The following MATN2 variants were observed in gnomAD, a reference collection of about 807,000 sequenced individuals.
The protein encoded by MATN2 is matrilin 2.
A neutral mutation model predicts 103.2 loss-of-function variants in MATN2; 69 were observed. The ratio of observed to expected loss-of-function variants is 0.67; its 90% CI spans 0.55 to 0.82. MATN2 has a LOEUF of 0.82. MATN2 is among the 40% of genes least tolerant of loss of function. The pLI is 0.00. For missense variants in MATN2, 1,023 were observed against 1,211.5 expected, an observed-to-expected ratio of 0.84 and a Z score of 2.31; for synonymous variants, 429 against 450.2, an observed-to-expected ratio of 0.95 and a Z score of 0.60.
chr8:97,999,875 T>C (rs2130369968), intron 7 of MATN2, among the ~76,000 whole-genome samples: 2 of 151,276 alleles, frequency 1.3e-5, no homozygotes, highest in East Asian at 3.9e-4. Flanking sequence ...TTTTTTTTTT[T>C]TTTTTAATTT....
At chr8:97,981,150 A>C (rs539142335) in intron 6 of MATN2, among the ~76,000 whole-genome samples, 1 of 150,760 alleles carries the variant, frequency 6.6e-6, no homozygotes, top group Non-Finnish European at 1.5e-5. Flanking sequence ...GCACCACTGC[A>C]CTCCAGCCTG....
At chr8:97,930,252 A>G (rs999880338) in intron 2 of MATN2, among the ~76,000 whole-genome samples, 3 of 152,184 alleles carry the variant, frequency 2.0e-5, no homozygotes, top group African/African-American at 7.2e-5. Context: ...AATTCTCCCC[A>G]GGTAGATTAG....
At chr8:97,910,717 T>TA (rs1267019724) in intron 2 of MATN2, among the ~76,000 whole-genome samples, 4 of 152,184 alleles carry the variant, frequency 2.6e-5, no homozygotes, top group African/African-American at 2.4e-5. Flanking sequence ...ATTCTAGAGT[T>TA]AGAGTCCCTA....
Position 97,952,677 on chromosome 8 carries a change from T to C in MATN2, c.836-8731T>C, listed in dbSNP as rs565010294. 2.4e-4 allele frequency among the ~76,000 whole-genome samples: 37 copies of C among 152,254 alleles called. No individual in the cohort carries two copies. In the South Asian group the frequency reaches 6.2e-3, roughly 26 times the overall value. ...ATTAGTTTCACCTGGGAAGACTGAGTTATCCCTCTTAAAATTCTCCAGGCA... is the reference window on the plus strand; with the variant it reads ...ATTAGTTTCACCTGGGAAGACTGAGCTATCCCTCTTAAAATTCTCCAGGCA... On this transcript the variant is annotated intron_variant, in intron 4 of 18. Transcript: ENST00000254898.
At chr8:98,016,417 T>C in intron 10 of MATN2, 123 bp from the exon 11 acceptor site, 1 of 823,152 alleles carries the variant, frequency 1.2e-6, no homozygotes, top group Non-Finnish European at 1.9e-6. Context: ...TTCTGAAATG[T>C]GTACTGTAGG....
intron 2 of MATN2, among the ~76,000 whole-genome samples, chr8:97,909,146 T>C (rs774903511): frequency 1.3e-5 from 2 of 151,952 alleles, no homozygotes; most frequent in Non-Finnish European, 2.9e-5. Flanking sequence ...TTGCCCAGGC[T>C]GGTCTCAAAC....
intron 2 of MATN2, among the ~76,000 whole-genome samples, chr8:97,919,681 C>A (rs568977130): frequency 3.9e-5 from 6 of 152,322 alleles, no homozygotes; most frequent in Non-Finnish European, 7.3e-5. Context: ...CCCAAACCCC[C>A]ACCCACAAGC....
At chr8:97,942,868 T>C (rs979698307) in intron 4 of MATN2, among the ~76,000 whole-genome samples, 1 of 152,262 alleles carries the variant, frequency 6.6e-6, no homozygotes, top group South Asian at 2.1e-4. Context: ...TTTTTCAGTT[T>C]TGGGGTTGAG....
At chr8:97,925,071 A>T (rs1379604962) in intron 2 of MATN2, among the ~76,000 whole-genome samples, 1 of 152,224 alleles carries the variant, frequency 6.6e-6, no homozygotes, top group Non-Finnish European at 1.5e-5. Context: ...ATCACAGCAG[A>T]TTCACAGAGA....
Position 98,021,271 on chromosome 8 carries a change from A to C in MATN2, c.1886A>C (p.Tyr629Ser), listed in dbSNP as rs749682080. The C allele has an allele frequency of 1.9e-6, 3 of 1,613,734 alleles. No individual in the cohort carries two copies. The highest frequency in any genetic ancestry group is 8.5e-7 in the Non-Finnish European group (1 of 1,179,678). Residue 629 changes from tyrosine (Y) to serine (S), a missense_variant, in exon 13 of 19, where the codon TAC becomes TCC. Physicochemically the swap from Tyr to Ser is moderately radical, Grantham distance 144 (BLOSUM62 -2). Coordinates refer to ENST00000254898, the MANE Select transcript of MATN2 (RefSeq NM_002380.5). ...EHICVNNGNS[Y>S]ICKCSEGFVL... The stretch of plus-strand genomic sequence containing the variant: ...ATTTGTGTTAATAATGGGAATTCCT[A>C]CATCTGCAAATGCTCAGAGGGATTT...
At position 98,007,150 on chromosome 8, in the gene MATN2, G is replaced by T; in HGVS notation, c.1373G>T (p.Cys458Phe). ...AQQDHGCEQLCLNTEDSFVCQ... is the reference protein window; with the variant it reads ...AQQDHGCEQLFLNTEDSFVCQ... ...CAGGACCATGGCTGTGAGCAGCTGT[G>T]TCTGAACACGGAGGATTCCTTCGTC... The change falls in exon 9 of 19, where the codon TGT becomes TTT. Residue 458 changes from cysteine to phenylalanine, a missense_variant. Transcript: ENST00000254898. This position sits in a 1 kb window ranked among gnomAD's most constrained non-coding sequence, Gnocchi z 4.2. The T allele has an allele frequency of 1.2e-6, 2 of 1,613,406 alleles. No homozygotes were observed. Among genetic ancestry groups the T allele is most frequent in the Non-Finnish European group, 1.7e-6 (2 of 1,179,670 alleles).
intron 2 of MATN2, among the ~76,000 whole-genome samples, chr8:97,911,315 G>A (rs1690716291): frequency 6.6e-6 from 1 of 152,148 alleles, no homozygotes; most frequent in African/African-American, 2.4e-5. Flanking sequence ...AGCATATGGG[G>A]CTGAAAAAGA....
chr8:97,998,378 C>G (rs1000346246), intron 7 of MATN2, among the ~76,000 whole-genome samples: 1 of 150,802 alleles, frequency 6.6e-6, no homozygotes, highest in African/African-American at 2.4e-5. Flanking sequence ...AAAAATTAGC[C>G]GGGCTTGGTG....
intron 8 of MATN2, chr8:98,004,104 TGG>T (rs1812878024): frequency 3.4e-6 from 1 of 297,102 alleles, no homozygotes; most frequent in Non-Finnish European, 6.7e-6. Flanking sequence ...CTGGCCAACA[TGG>T]TGAAACCCTA....
intron 18 of MATN2, among the ~76,000 whole-genome samples, chr8:98,035,451 A>C (rs1386503881): frequency 6.6e-6 from 1 of 152,052 alleles, no homozygotes; most frequent in Non-Finnish European, 1.5e-5. Context: ...TAAAAAAAAA[A>C]AAACCCAAAA....
chr8:97,983,815 G>A (rs535235747), intron 6 of MATN2, among the ~76,000 whole-genome samples: 2 of 152,184 alleles, frequency 1.3e-5, no homozygotes, highest in South Asian at 4.1e-4. Flanking sequence ...AAACACAGAA[G>A]GAAGTAAACT....
At chr8:97,986,052 T>C (rs929982591) in intron 6 of MATN2, among the ~76,000 whole-genome samples, 1 of 152,218 alleles carries the variant, frequency 6.6e-6, no homozygotes, top group African/African-American at 2.4e-5. Flanking sequence ...TATATGTATA[T>C]GTCAGAATGT....
At chr8:97,934,582 T>C (rs1810312076) in intron 3 of MATN2, among the ~76,000 whole-genome samples, 1 of 152,248 alleles carries the variant, frequency 6.6e-6, no homozygotes, top group Admixed American at 6.5e-5. Flanking sequence ...TGTAAAAGTT[T>C]ATTTTGCCAA....
intron 4 of MATN2, chr8:97,952,293 A>G (rs1479455822): frequency 6.6e-6 from 1 of 152,264 alleles, no homozygotes; most frequent in African/African-American, 2.4e-5. Context: ...AGCAAGAGCT[A>G]TAAAAAGTAG....
Sources: gnomAD v4.1 joint callset for allele counts (sites outside exome capture counted in the v4.1 genomes callset) on GRCh38, gnomAD v4.1.1 for gene constraint, Gnocchi (gnomAD v3.1) non-coding constraint, MANE v1.5 for transcripts, NCBI Gene and HGNC (gene_info 2026-07-23, HGNC 2026-07-21) for gene names.